The following KMT2A variants were observed in gnomAD, a reference collection of about 807,000 sequenced individuals.
KMT2A encodes the protein histone-lysine N-methyltransferase 2A.
Under a neutral mutation model 345.3 loss-of-function variants are expected in KMT2A, and 16 were observed. The ratio of observed to expected loss-of-function variants is 0.05; its 90% CI spans 0.03 to 0.07. The LOEUF (loss-of-function observed/expected upper bound fraction) is 0.07, where lower values mean the gene tolerates loss of function less well. Among genes scored for constraint, KMT2A ranks in the 10% least tolerant of loss-of-function variants. The pLI is 1.00. For synonymous variants in KMT2A, 1,599 were observed against 1,778.6 expected (o/e 0.90, Z 2.54); for missense variants, 3,272 against 4,841.6 (o/e 0.68, Z 9.62).
intron 1 of KMT2A, chr11:118,447,500 TG>T (rs2134187227): frequency 5.0e-6 from 1 of 199,442 alleles, no homozygotes; most frequent in Non-Finnish European, 1.1e-5. Context: ...GCGACATTTT[TG>T]TAAAGGTATT....
intron 3 of KMT2A, among the ~76,000 whole-genome samples, chr11:118,474,630 G>A (rs868951001): frequency 1.3e-5 from 2 of 152,138 alleles, no homozygotes; most frequent in Non-Finnish European, 2.9e-5. Flanking sequence ...ACTAAGGTTG[G>A]GACTATATCA....
chr11:118,501,816 C>T lies in KMT2A; in HGVS notation c.6464C>T (p.Pro2155Leu), dbSNP rs900114876. 1.9e-6 allele frequency: 3 copies of T among 1,613,890 alleles called. No individual in the cohort carries two copies. The African/African-American group carries it at 4.0e-5, about 22-fold the overall frequency. The change falls in exon 26 of 36, where the codon CCA becomes CTA. Residue 2155 changes from proline (P) to leucine (L), a missense_variant. Physicochemically the swap from Pro to Leu is moderately conservative, Grantham distance 98 (BLOSUM62 -3). This residue lies in a region of KMT2A where 66 missense variants were observed against 73.9 expected (regional missense o/e 0.89). Transcript: ENST00000534358. ...AGGATTCGAACACCCAGTTATTCTC[C>T]AACACAGAGATCCCCTGGCTGTCGA... ...VPRIRTPSYS[P>L]TQRSPGCRPL... is the part of the protein sequence containing the mutation.
chr11:118,444,014 C>T (rs1555026541), intron 1 of KMT2A, among the ~76,000 whole-genome samples: 1 of 152,282 alleles, frequency 6.6e-6, no homozygotes, highest in East Asian at 1.9e-4. Flanking sequence ...CTATGCTTTG[C>T]TGAAGCATCA....
Position 118,470,507 on chromosome 11 carries a change from C to T in KMT2A, c.503-1155C>T, listed in dbSNP as rs879945836. ...TTATTTGAGAAATGAGACATGGTTT[C>T]TCTGCTGTCTCCTAGTTTATTACCT... On this transcript the variant is annotated intron_variant, in intron 2 of 35. Coordinates refer to ENST00000534358, the MANE Select transcript of KMT2A (RefSeq NM_001197104.2). Among the ~76,000 whole-genome samples the T allele has an allele frequency of 1.8e-4, 27 of 152,060 alleles. 1 individual carries two copies. The highest frequency in any genetic ancestry group is 1.8e-3 in the Admixed American group (27 of 15,270).
At position 118,497,269 on chromosome 11, in the gene KMT2A, G is replaced by T. The variant is rs1950424997; in HGVS notation, c.5665-667G>T. Reference sequence around the variant, plus strand: ...TCCACCCACCTCATATCCCAAAGTGGTGGGATTACAGGCGTGAGCCACCGT... The same window carrying T: ...TCCACCCACCTCATATCCCAAAGTGTTGGGATTACAGGCGTGAGCCACCGT... On this transcript the variant is annotated intron_variant, in intron 20 of 35. Transcript: ENST00000534358. This position sits in a 1 kb window ranked among gnomAD's most constrained non-coding sequence, Gnocchi z 4.8. Among the ~76,000 whole-genome samples, 1 of 152,036 alleles carries T rather than the reference G, an allele frequency of 6.6e-6. No individual in the cohort carries two copies. The highest frequency in any genetic ancestry group is 1.5e-5 in the Non-Finnish European group (1 of 67,990).
chr11:118,464,273 C>T (rs925816654), intron 1 of KMT2A, among the ~76,000 whole-genome samples: 4 of 152,182 alleles, frequency 2.6e-5, no homozygotes, highest in African/African-American at 7.2e-5. Context: ...TGGTGGCTCA[C>T]GCCTGTTATC....
At position 118,520,757 on chromosome 11, in the gene KMT2A, T is replaced by G. The variant is rs985596633; in HGVS notation, c.11430-45T>G. ...AACCTTCGATTCAAGACTCAAAACATTATTTCCTGAAAAAAATTCGTTAAT... is the reference window on the plus strand; with the variant it reads ...AACCTTCGATTCAAGACTCAAAACAGTATTTCCTGAAAAAAATTCGTTAAT... On this transcript the variant is annotated intron_variant, in intron 33 of 35. Transcript: ENST00000534358. This position sits in a 1 kb window ranked among gnomAD's most constrained non-coding sequence, Gnocchi z 4.3. 1 of 1,423,574 alleles carries G rather than the reference T, an allele frequency of 7.0e-7. No homozygotes were observed. The highest frequency in any genetic ancestry group is 2.3e-5 in the East Asian group (1 of 44,002). The allele number at this position is 1,423,574 out of a possible 1,614,324, so 88.2% of individuals were successfully genotyped here.
chr11:118,470,591 G>A (rs1343098401), intron 2 of KMT2A, among the ~76,000 whole-genome samples: 1 of 152,156 alleles, frequency 6.6e-6, no homozygotes, highest in Admixed American at 6.5e-5. Context: ...ATTAAAGGAA[G>A]TCTCATAAAT....
intron 11 of KMT2A, among the ~76,000 whole-genome samples, chr11:118,489,395 T>C (rs1008034990): frequency 2.0e-5 from 3 of 152,202 alleles, no homozygotes; most frequent in Non-Finnish European, 4.4e-5. Flanking sequence ...GCTTAGAGTA[T>C]TGCTTTCTTT....
intron 1 of KMT2A, among the ~76,000 whole-genome samples, chr11:118,453,131 C>T (rs558823598): frequency 3.5e-4 from 53 of 152,324 alleles, no homozygotes; most frequent in Admixed American, 1.5e-3. Context: ...CTTGACCCCA[C>T]GTCCACCTCT....
intron 1 of KMT2A, chr11:118,450,198 C>T (rs2134195254): frequency 6.6e-6 from 1 of 151,218 alleles, no homozygotes; most frequent in African/African-American, 2.4e-5. Context: ...GGAAATACAC[C>T]TTTCTTGAGT....
chr11:118,518,171 A>G (rs1555052173), intron 31 of KMT2A, among the ~76,000 whole-genome samples: 1 of 152,176 alleles, frequency 6.6e-6, no homozygotes, highest in Admixed American at 6.5e-5. Context: ...TCGTAAATGA[A>G]ATAATATTGT....
chr11:118,469,396 A>C (rs868961909), intron 2 of KMT2A, among the ~76,000 whole-genome samples: 103 of 152,204 alleles, frequency 6.8e-4, no homozygotes, highest in African/African-American at 2.4e-3. Context: ...ACTATTGTCA[A>C]AGAACCAAAA....
In KMT2A at chr11:118,481,842, A is replaced by G. The variant is rs377204856; in HGVS notation, c.3762A>G (p.Pro1254=). 1.2e-5 allele frequency: 19 copies of G among 1,614,094 alleles called. No individual in the cohort carries two copies. The highest frequency in any genetic ancestry group is 8.3e-5 in the Admixed American group (5 of 60,008). Residue 1254 remains proline, a synonymous_variant, in exon 7 of 36, where the codon CCA becomes CCG. Transcript: ENST00000534358. ...CATCAGCAAGAGAGGATCCTGCCCC[A>G]AAGAAAAGCAGTAGTGAGCCTCCTC... ...PTPSAREDPA[P]KKSSSEPPPR...
At position 118,524,361 on chromosome 11, in the gene KMT2A, ACT is replaced by A. The variant is rs1951036074; in HGVS notation, c.*2194_*2195del. 2 of 193,078 alleles carry A rather than the reference ACT, an allele frequency of 1.0e-5. No individual in the cohort carries two copies. Among genetic ancestry groups the A allele is most frequent in the South Asian group, 3.9e-4 (2 of 5,152 alleles). The allele number at this position is 193,078 out of a possible 1,614,324, so 12.0% of individuals were successfully genotyped here. A position where few individuals can be genotyped will look rare whatever the true frequency, so the allele number is the denominator to read the frequency against. On this transcript the variant is annotated 3_prime_UTR_variant, in exon 36 of 36. Coordinates refer to ENST00000534358, the MANE Select transcript of KMT2A (RefSeq NM_001197104.2). ...GCAAAGCAATACGACTCAGCCCAGC[ACT>A]CTCTGCCCCAGGACTCATGGCTCTG... is the stretch of plus-strand genomic sequence containing the variant.
rs1555039294 is a variant in KMT2A at position 118,481,794 on chromosome 11, G to A, written c.3714G>A (p.Val1238=). 1 of 1,614,148 alleles carries A rather than the reference G, an allele frequency of 6.2e-7. No individual in the cohort carries two copies. Among genetic ancestry groups the A allele is most frequent in the African/African-American group, 1.3e-5 (1 of 75,044 alleles). Residue 1238 remains valine, a synonymous_variant, in exon 7 of 36, where the codon GTG becomes GTA. Coordinates refer to ENST00000534358, the MANE Select transcript of KMT2A (RefSeq NM_001197104.2). ...SKESSVVKNV[V]DSSQKPTPSA... Reference sequence around the variant, plus strand: ...AGAGCAGTGTTGTGAAGAACGTGGTGGACTCTAGTCAGAAACCTACCCCAT... The same window carrying A: ...AGAGCAGTGTTGTGAAGAACGTGGTAGACTCTAGTCAGAAACCTACCCCAT...
At chr11:118,453,985 T>C (rs1429211052) in intron 1 of KMT2A, among the ~76,000 whole-genome samples, 1 of 152,206 alleles carries the variant, frequency 6.6e-6, no homozygotes. Context: ...ATTTATCTCT[T>C]TTATTCACAT....
intron 1 of KMT2A, among the ~76,000 whole-genome samples, chr11:118,462,099 G>A (rs1304549092): frequency 6.6e-6 from 1 of 152,064 alleles, no homozygotes. Flanking sequence ...GACTACAGGC[G>A]CGTGCCACCA....
chr11:118,470,704 T>C (rs1949928846), intron 2 of KMT2A, among the ~76,000 whole-genome samples: 1 of 152,226 alleles, frequency 6.6e-6, no homozygotes, highest in African/African-American at 2.4e-5. Context: ...TGTTCATCTC[T>C]TTTGGTGCCT....
Sources: gnomAD v4.1 joint callset for allele counts (sites outside exome capture counted in the v4.1 genomes callset) on GRCh38, gnomAD v4.1.1 for gene constraint, gnomAD v4.1.1 regional missense constraint, Gnocchi (gnomAD v3.1) non-coding constraint, MANE v1.5 for transcripts, NCBI Gene and HGNC (gene_info 2026-07-23, HGNC 2026-07-21) for gene names.